Variants in IL17D observed in about 807,000 individuals in gnomAD.
IL17D encodes the protein interleukin-17D.
A neutral mutation model predicts 5.7 loss-of-function variants in IL17D; 10 were observed. That is an observed-to-expected ratio of 1.75 (90% CI 1.08 to 2.97). IL17D has a LOEUF of 2.97. Ranked by LOEUF, IL17D falls within the 30% of genes most tolerant of loss-of-function variation. The pLI is 0.00. For synonymous variants in IL17D, 172 were observed against 141.7 expected, an observed-to-expected ratio of 1.21 and a Z score of -1.52; for missense variants, 354 against 292.7, an observed-to-expected ratio of 1.21 and a Z score of -1.53.
chr13:20,722,896 G>A lies in IL17D; in HGVS notation c.*942G>A, dbSNP rs1221388029. On this transcript the variant is annotated 3_prime_UTR_variant, in exon 2 of 2. Transcript: ENST00000682841. ...AGCAGGTATTGGCTTAGTTGTAAGG[G>A]CTTTAGGATCAGGCTGAATATGAGG... The A allele has an allele frequency of 6.6e-6, 1 of 152,176 alleles. No homozygotes were observed. Among genetic ancestry groups the A allele is most frequent in the Non-Finnish European group, 1.5e-5 (1 of 68,034 alleles). The allele number at this position is 152,176 out of a possible 1,614,324, so 9.4% of individuals were successfully genotyped here.
At chr13:20,714,897 T>A (rs919132239) in intron 1 of IL17D, among the ~76,000 whole-genome samples, 3 of 152,208 alleles carry the variant, frequency 2.0e-5, no homozygotes, top group Non-Finnish European at 4.4e-5. Context: ...CTGCTGGCCA[T>A]GGCTTGGCAA....
At chr13:20,719,029 G>C (rs111065117) in intron 1 of IL17D, among the ~76,000 whole-genome samples, 52,515 of 122,372 alleles carry the variant, frequency 0.43, 11,243 homozygotes, top group Middle Eastern at 0.62. Context: ...TGCCCACACA[G>C]ACACCCGTGC....
chr13:20,718,428 G>GTGCTCACACACCCGCCCA (rs746963400), intron 1 of IL17D, among the ~76,000 whole-genome samples: 83 of 138,562 alleles, frequency 6.0e-4, no homozygotes, highest in Non-Finnish European at 8.7e-4. Context: ...ATACGTGCCC[G>GTGCTCACACACCCGCCCA]TGCTCACACA....
At chr13:20,720,649 C>T (rs888845769) in intron 1 of IL17D, among the ~76,000 whole-genome samples, 2 of 152,212 alleles carry the variant, frequency 1.3e-5, no homozygotes, top group Non-Finnish European at 2.9e-5. Flanking sequence ...CTGCGCTGCC[C>T]CATCCTCTGG....
At chr13:20,719,146 C>T (rs2058711871) in intron 1 of IL17D, among the ~76,000 whole-genome samples, 2 of 148,106 alleles carry the variant, frequency 1.4e-5, no homozygotes, top group Non-Finnish European at 3.0e-5. Context: ...CACCTATCCA[C>T]ACTTACGCAC....
Position 20,704,308 on chromosome 13 carries a change from TC to T in IL17D, c.290+19del. 2.2e-6 allele frequency: 2 copies of T among 904,550 alleles called. No individual in the cohort carries two copies. The highest frequency in any genetic ancestry group is 2.7e-6 in the Non-Finnish European group (2 of 746,308). 56.0% of individuals were successfully genotyped at this position (904,550 alleles called of 1,614,324 possible). A position where few individuals can be genotyped will look rare whatever the true frequency, so the allele number is the denominator to read the frequency against. On this transcript the variant is annotated intron_variant, in intron 1 of 1. Coordinates refer to ENST00000682841, the MANE Select transcript of IL17D (RefSeq NM_001385224.1). ...GGCCTACAGGTGAGCCGCGGGCGCG[TC>T]CTGGCGGGGCCCGGCAGGTGGGGAG...
chr13:20,721,606 C>T (rs1403174857), intron 1 of IL17D, 30 bp from the exon 2 acceptor site: 2 of 1,550,880 alleles, frequency 1.3e-6, no homozygotes, highest in South Asian at 1.2e-5. Flanking sequence ...TGCCCCCAGG[C>T]GTGACCTCAC....
In IL17D at chr13:20,721,819, G is replaced by A. The variant is rs2058738611; in HGVS notation, c.474G>A (p.Glu158=). ...CCGGCGGCCGTTCCGTCTACACCGA[G>A]GCCTACGTCACCATCCCCGTGGGCT... ...ACAGGRSVYT[E]AYVTIPVGCT... Residue 158 remains glutamate, a synonymous_variant, in exon 2 of 2, where the codon GAG becomes GAA. Coordinates refer to ENST00000682841, the MANE Select transcript of IL17D (RefSeq NM_001385224.1). The A allele has an allele frequency of 6.2e-7, 1 of 1,610,440 alleles. No homozygotes were observed. The highest frequency in any genetic ancestry group is 8.5e-7 in the Non-Finnish European group (1 of 1,179,802).
At position 20,717,070 on chromosome 13, in the gene IL17D, T is replaced by C. The variant is rs1461862731; in HGVS notation, c.291-4566T>C. 3 of 152,218 alleles carry C rather than the reference T, an allele frequency of 2.0e-5. No individual in the cohort carries two copies. In the East Asian group the frequency reaches 5.8e-4, roughly 29 times the overall value. The allele number at this position is 152,218 out of a possible 1,614,324, so 9.4% of individuals were successfully genotyped here. On this transcript the variant is annotated intron_variant, in intron 1 of 1. Transcript: ENST00000682841. ...CCAGGGGCAGGGCTCTTTTTCTGTC[T>C]CTGCTGTCACTTACATTCCTCTCCC... is the stretch of plus-strand genomic sequence containing the variant.
intron 1 of IL17D, among the ~76,000 whole-genome samples, chr13:20,715,404 C>T (rs2058671602): frequency 2.0e-5 from 3 of 152,112 alleles, no homozygotes; most frequent in Non-Finnish European, 4.4e-5. Flanking sequence ...AGTCCTGGGC[C>T]GGTATGGTCA....
chr13:20,706,288 G>A (rs1268786022), intron 1 of IL17D, among the ~76,000 whole-genome samples: 1 of 152,214 alleles, frequency 6.6e-6, no homozygotes, highest in Non-Finnish European at 1.5e-5. Context: ...ATGGACTACG[G>A]CATTCTTCTT....
chr13:20,703,895 G>A lies in IL17D; in HGVS notation c.-107G>A. 1 of 507,912 alleles carries A rather than the reference G, an allele frequency of 2.0e-6. No individual in the cohort carries two copies. The allele number at this position is 507,912 out of a possible 1,614,324, so 31.5% of individuals were successfully genotyped here. A position where few individuals can be genotyped will look rare whatever the true frequency, so the allele number is the denominator to read the frequency against. Reference sequence around the variant, plus strand: ...GGCCTCTGGCTCCGCGGGGCGAGGGGAGGCGCCCGCCGGCTCCGGGCGCCG... The same window carrying A: ...GGCCTCTGGCTCCGCGGGGCGAGGGAAGGCGCCCGCCGGCTCCGGGCGCCG... On this transcript the variant is annotated 5_prime_UTR_variant, in exon 1 of 2. Coordinates refer to ENST00000682841, the MANE Select transcript of IL17D (RefSeq NM_001385224.1).
chr13:20,719,153 G>A (rs538379829), intron 1 of IL17D, among the ~76,000 whole-genome samples: 12 of 119,968 alleles, frequency 1.0e-4, no homozygotes, highest in Admixed American at 3.4e-4. Context: ...CCACACTTAC[G>A]CACACCTGCC....
chr13:20,714,895 C>G (rs983978602), intron 1 of IL17D, among the ~76,000 whole-genome samples: 1 of 152,176 alleles, frequency 6.6e-6, no homozygotes, highest in African/African-American at 2.4e-5. Flanking sequence ...GTCTGCTGGC[C>G]ATGGCTTGGC....
At chr13:20,713,764 T>C (rs1018658145) in intron 1 of IL17D, 1 of 152,226 alleles carries the variant, frequency 6.6e-6, no homozygotes, top group Non-Finnish European at 1.5e-5. Flanking sequence ...TTCCTCATGG[T>C]GTCTGTCTTC....
At chr13:20,703,657 C>A (rs1177525830), upstream of IL17D, 2 of 152,708 alleles carry the variant, frequency 1.3e-5, no homozygotes, top group Non-Finnish European at 2.9e-5. Context: ...CAAGCACTCG[C>A]AGCCCGCGGC....
chr13:20,722,185 C>G lies in IL17D; in HGVS notation c.*231C>G, dbSNP rs1321171826. 1 of 515,862 alleles carries G rather than the reference C, an allele frequency of 1.9e-6. No homozygotes were observed. The highest frequency in any genetic ancestry group is 3.4e-6 in the Non-Finnish European group (1 of 294,872). 32.0% of individuals were successfully genotyped at this position (515,862 alleles called of 1,614,324 possible). A position where few individuals can be genotyped will look rare whatever the true frequency, so the allele number is the denominator to read the frequency against. Reference sequence around the variant, plus strand: ...AGCGTGGCTGGAAGCTGATGGGAAACGACCCGGCACGGGCATCCTGTGTGC... The same window carrying G: ...AGCGTGGCTGGAAGCTGATGGGAAAGGACCCGGCACGGGCATCCTGTGTGC... On this transcript the variant is annotated 3_prime_UTR_variant, in exon 2 of 2. Coordinates refer to ENST00000682841, the MANE Select transcript of IL17D (RefSeq NM_001385224.1).
intron 1 of IL17D, among the ~76,000 whole-genome samples, chr13:20,710,643 A>G (rs918676860): frequency 1.3e-5 from 2 of 149,810 alleles, no homozygotes; most frequent in East Asian, 1.9e-4. Flanking sequence ...AAAAAAAAAA[A>G]AAAAAAAAAG....
At position 20,704,300 on chromosome 13, in the gene IL17D, C is replaced by A. The variant is rs1282609072; in HGVS notation, c.290+9C>A. On this transcript the variant is annotated intron_variant, in intron 1 of 1. Transcript: ENST00000682841. ...TCGCCCTGGGCCTACAGGTGAGCCG[C>A]GGGCGCGTCCTGGCGGGGCCCGGCA... 1 of 944,222 alleles carries A rather than the reference C, an allele frequency of 1.1e-6. No homozygotes were observed. Among genetic ancestry groups the A allele is most frequent in the Non-Finnish European group, 1.3e-6 (1 of 789,932 alleles). The allele number at this position is 944,222 out of a possible 1,614,324, so 58.5% of individuals were successfully genotyped here. A position where few individuals can be genotyped will look rare whatever the true frequency, so the allele number is the denominator to read the frequency against.
Sources: allele counts gnomAD v4.1 joint callset (sites outside exome capture counted in the v4.1 genomes callset), GRCh38; gene constraint gnomAD v4.1.1; transcripts MANE v1.5; gene names NCBI Gene and HGNC (gene_info 2026-07-23, HGNC 2026-07-21).